CSNK1A1: variants seen among roughly 807,000 people sequenced by gnomAD.
The protein encoded by CSNK1A1 is casein kinase I isoform alpha.
A neutral mutation model predicts 46.1 loss-of-function variants in CSNK1A1; 7 were observed. That is an observed-to-expected ratio of 0.15 (90% CI 0.09 to 0.29). The LOEUF (loss-of-function observed/expected upper bound fraction) is 0.29, where lower values mean the gene tolerates loss of function less well. Ranked by LOEUF, CSNK1A1 falls within the 10% of genes least tolerant of loss-of-function variation. The probability of loss-of-function intolerance (pLI) is 1.00; values close to 1 mark genes in which losing one functional copy is unlikely to be tolerated. For synonymous variants in CSNK1A1, 137 were observed against 141.5 expected, an observed-to-expected ratio of 0.97 and a Z score of 0.23; for missense variants, 96 against 417.1, an observed-to-expected ratio of 0.23 and a Z score of 6.71.
intron 4 of CSNK1A1, 135 bp downstream of exon 4, chr5:149,520,155 A>C: frequency 1.7e-6 from 1 of 571,730 alleles, no homozygotes; most frequent in East Asian, 2.8e-5. Context: ...TTATCCTCAT[A>C]GCACAATCTT....
At chr5:149,503,014 C>T (rs1760920276) in intron 9 of CSNK1A1, 2 of 935,692 alleles carry the variant, frequency 2.1e-6, no homozygotes, top group Non-Finnish European at 2.5e-6. Flanking sequence ...GATCTGCTTG[C>T]CTCAGCCTCT....
chr5:149,544,737 T>TTATATATATATATATATATATATATATA lies in CSNK1A1; in HGVS notation c.230+5310_230+5337dup, dbSNP rs375444306. On this transcript the variant is annotated intron_variant, in intron 2 of 9. Coordinates refer to ENST00000377843, the MANE Select transcript of CSNK1A1 (RefSeq NM_001892.6). Reference sequence around the variant, plus strand: ...GTGAGGATGATGAGGGTAAAGAGCTTTATATATATATATATATATATATAT... The same window carrying TTATATATATATATATATATATATATATA: ...GTGAGGATGATGAGGGTAAAGAGCTTTATATATATATATATATATATATATATATATATATATATATATATATATATAT... Among the ~76,000 whole-genome samples, 128 of 80,744 alleles carry TTATATATATATATATATATATATATATA rather than the reference T, an allele frequency of 1.6e-3. 6 individuals carry two copies. The highest frequency in any genetic ancestry group is 2.0e-3 in the African/African-American group (31 of 15,318). The allele number at this position is 80,744 out of a possible 152,430, so 53.0% of individuals were successfully genotyped here. A position where few individuals can be genotyped will look rare whatever the true frequency, so the allele number is the denominator to read the frequency against.
rs113013321 is a variant in CSNK1A1, at chr5:149,545,816, G to A, written c.230+4259C>T. 1.7e-4 allele frequency: 80 copies of A among 466,348 alleles called. 2 individuals carry two copies. Among genetic ancestry groups the A allele is most frequent in the African/African-American group, 1.2e-3 (58 of 48,714 alleles). The allele number at this position is 466,348 out of a possible 1,614,324, so 28.9% of individuals were successfully genotyped here. On this transcript the variant is annotated intron_variant, in intron 2 of 9. Coordinates refer to ENST00000377843, the MANE Select transcript of CSNK1A1 (RefSeq NM_001892.6). ...CTTGGCCATGTCTGTACCTTAAGCCGCGGCTCTCCAAGTGCCTAGAACCGG... is the reference window on the plus strand; with the variant it reads ...CTTGGCCATGTCTGTACCTTAAGCCACGGCTCTCCAAGTGCCTAGAACCGG...
intron 5 of CSNK1A1, 109 bp from the exon 6 acceptor site, chr5:149,511,981 T>C (rs1009334806): frequency 1.3e-5 from 10 of 785,732 alleles, no homozygotes; most frequent in East Asian, 2.7e-5. Flanking sequence ...GGGAACACTA[T>C]TTGGTGTCTT....
chr5:149,531,101 T>C (rs1036125275), intron 2 of CSNK1A1, among the ~76,000 whole-genome samples: 1 of 152,074 alleles, frequency 6.6e-6, no homozygotes, highest in Non-Finnish European at 1.5e-5. Context: ...CCATTCATTA[T>C]ACACAGATGT....
intron 5 of CSNK1A1, among the ~76,000 whole-genome samples, 167 bp downstream of exon 5, chr5:149,512,903 C>T (rs916949056): frequency 7.9e-5 from 12 of 152,152 alleles, no homozygotes; most frequent in African/African-American, 2.2e-4. Context: ...CCTCATTTAA[C>T]GGTCTTCTCT....
At chr5:149,518,228 T>C (rs1761456306) in intron 4 of CSNK1A1, among the ~76,000 whole-genome samples, 2 of 152,014 alleles carry the variant, frequency 1.3e-5, no homozygotes, top group Admixed American at 1.3e-4. Context: ...AAAAAAATAT[T>C]GTACGGGGGA....
At chr5:149,546,055 A>ATTT (rs778357270) in intron 2 of CSNK1A1, among the ~76,000 whole-genome samples, 1 of 141,428 alleles carries the variant, frequency 7.1e-6, no homozygotes, top group Non-Finnish European at 1.6e-5. Flanking sequence ...CACCAGGCTA[A>ATTT]TTTTTTTTTT....
intron 2 of CSNK1A1, among the ~76,000 whole-genome samples, chr5:149,527,106 T>C (rs951997895): frequency 1.3e-5 from 2 of 151,452 alleles, no homozygotes; most frequent in African/African-American, 2.4e-5. Context: ...GAAACAAATG[T>C]GTCAACGTGA....
intron 9 of CSNK1A1, chr5:149,501,752 G>C (rs1760864047): frequency 2.0e-6 from 2 of 985,256 alleles, no homozygotes; most frequent in African/African-American, 3.5e-5. Flanking sequence ...CTCAATTAAA[G>C]AAACACTGAA....
In CSNK1A1 at chr5:149,495,881, T is replaced by C. The variant is rs192440490; in HGVS notation, c.*972A>G. 3 of 152,600 alleles carry C rather than the reference T, an allele frequency of 2.0e-5. No homozygotes were observed. In the East Asian group the frequency reaches 5.8e-4, roughly 29 times the overall value. 9.5% of individuals were successfully genotyped at this position (152,600 alleles called of 1,614,324 possible). A position where few individuals can be genotyped will look rare whatever the true frequency, so the allele number is the denominator to read the frequency against. On this transcript the variant is annotated 3_prime_UTR_variant, in exon 10 of 10. Transcript: ENST00000377843. ...TAAATTGACTTGCAAAGGAATACCA[T>C]GTAACAAATGGCTTGAAGTAGTCTA...
intron 9 of CSNK1A1, 83 bp from the exon 10 acceptor site, chr5:149,496,943 G>T: frequency 6.6e-7 from 1 of 1,507,742 alleles, no homozygotes; most frequent in South Asian, 1.3e-5. Flanking sequence ...AAATTGGGTG[G>T]AACTGAGCCA....
Position 149,542,690 on chromosome 5 carries a change from A to AT in CSNK1A1, c.230+7384dup, listed in dbSNP as rs1762338627. Among the ~76,000 whole-genome samples the AT allele has an allele frequency of 5.4e-4, 10 of 18,454 alleles. 1 individual carries two copies. Among genetic ancestry groups the AT allele is most frequent in the African/African-American group, 7.7e-4 (3 of 3,914 alleles). 12.1% of individuals were successfully genotyped at this position (18,454 alleles called of 152,430 possible). A position where few individuals can be genotyped will look rare whatever the true frequency, so the allele number is the denominator to read the frequency against. Reference sequence around the variant, plus strand: ...TATATATGTATATATATATATATATATATTTTTTTTTTTTTTTTTTTTTGA... The same window carrying AT: ...TATATATGTATATATATATATATATATTATTTTTTTTTTTTTTTTTTTTTGA... On this transcript the variant is annotated intron_variant, in intron 2 of 9. Transcript: ENST00000377843.
chr5:149,498,463 C>T (rs190323646), intron 9 of CSNK1A1: 2 of 985,248 alleles, frequency 2.0e-6, no homozygotes, highest in African/African-American at 3.5e-5. Context: ...TCTGACTATA[C>T]CCTGTGACCA....
chr5:149,518,971 A>G (rs1484219520), intron 4 of CSNK1A1, among the ~76,000 whole-genome samples: 1 of 152,136 alleles, frequency 6.6e-6, no homozygotes, highest in African/African-American at 2.4e-5. Context: ...GATTGGAGTC[A>G]AATGGACAAA....
chr5:149,523,459 G>A lies in CSNK1A1; in HGVS notation c.357+1586C>T, dbSNP rs751881553. On this transcript the variant is annotated intron_variant, in intron 3 of 9. Transcript: ENST00000377843. ...GAACTCCTGGGCTCAAGAGATCCTC[G>A]TGTCTTGGTCTCCCAAAGTGCTGGA... Among the ~76,000 whole-genome samples the A allele has an allele frequency of 1.6e-4, 24 of 152,330 alleles. No individual in the cohort carries two copies. The East Asian group carries it at 4.2e-3, about 27-fold the overall frequency.
chr5:149,507,084 C>T lies in CSNK1A1; in HGVS notation c.800G>A (p.Arg267His), dbSNP rs1761056362. ...CATGTAATCTGGGGCTTCCTCAAAG[C>T]GTAGCCCACGACAATAGTTTAAGTA... ...AMYLNYCRGL[R>H]FEEAPDYMYL... Residue 267 changes from arginine (R) to histidine (H), a missense_variant, in exon 8 of 10, where the codon CGC becomes CAC. Coordinates refer to ENST00000377843, the MANE Select transcript of CSNK1A1 (RefSeq NM_001892.6). 6.2e-7 allele frequency: 1 copy of T among 1,613,966 alleles called. No individual in the cohort carries two copies. The highest frequency in any genetic ancestry group is 8.5e-7 in the Non-Finnish European group (1 of 1,179,920).
In CSNK1A1 at chr5:149,525,189, GAA is replaced by G. The variant is rs1369044294; in HGVS notation, c.231-20_231-19del. ...CATACCACCTAACGAAACAAAAGGA[GAA>G]GAGAGGATATTACAAAAAGCTATTA... On this transcript the variant is annotated intron_variant, in intron 2 of 9. Transcript: ENST00000377843. This position sits in a 1 kb window ranked among gnomAD's most constrained non-coding sequence, Gnocchi z 4.2. 6.3e-7 allele frequency: 1 copy of G among 1,584,736 alleles called. No individual in the cohort carries two copies. Among genetic ancestry groups the G allele is most frequent in the East Asian group, 2.3e-5 (1 of 44,426 alleles).
At chr5:149,503,604 T>A in intron 9 of CSNK1A1, 1 of 985,034 alleles carries the variant, frequency 1.0e-6, no homozygotes, top group Non-Finnish European at 1.2e-6. Context: ...TTACAAAAAA[T>A]AGCTACAATA....
Sources: gnomAD v4.1 joint callset for allele counts (sites outside exome capture counted in the v4.1 genomes callset) on GRCh38, gnomAD v4.1.1 for gene constraint, Gnocchi (gnomAD v3.1) non-coding constraint, MANE v1.5 for transcripts, NCBI Gene and HGNC (gene_info 2026-07-23, HGNC 2026-07-21) for gene names.